Variants in PIGL observed in about 807,000 individuals in gnomAD.
PIGL encodes the protein N-acetylglucosaminyl-phosphatidylinositol de-N-acetylase.
PIGL carries 22 observed loss-of-function variants against 31.1 expected under a neutral mutation model. The observed-to-expected ratio is 0.71, with a 90% CI of 0.51 to 1.01. The LOEUF is 1.01. Ranked by LOEUF, PIGL falls within the 50% of genes least tolerant of loss-of-function variation. The pLI is 0.00. For missense variants in PIGL, 302 were observed against 315.9 expected (o/e 0.96, Z 0.33); for synonymous variants, 131 against 117.4 (o/e 1.12, Z -0.75).
intron 2 of PIGL, among the ~76,000 whole-genome samples, chr17:16,242,644 CTTTTTT>C (rs35572629): frequency 1.9e-4 from 15 of 79,056 alleles, no homozygotes; most frequent in East Asian, 3.4e-4. Flanking sequence ...TTTCTGATTC[CTTTTTT>C]TTTTTTTTTT....
intron 1 of PIGL, chr17:16,217,737 A>T: frequency 4.7e-6 from 2 of 427,972 alleles, no homozygotes; most frequent in South Asian, 3.6e-5. Flanking sequence ...TCCGTTGGGA[A>T]CTCCACCTGT....
At chr17:16,265,184 G>A (rs2092837223) in intron 2 of PIGL, among the ~76,000 whole-genome samples, 1 of 152,080 alleles carries the variant, frequency 6.6e-6, no homozygotes, top group Admixed American at 6.6e-5. Flanking sequence ...AGGAATAAAG[G>A]GAATAGTGTT....
chr17:16,271,425 A>AT (rs2092871674), intron 2 of PIGL, among the ~76,000 whole-genome samples: 1 of 152,272 alleles, frequency 6.6e-6, no homozygotes, highest in African/African-American at 2.4e-5. Flanking sequence ...GCAAATAGGT[A>AT]CGTACCCTAA....
intron 1 of PIGL, among the ~76,000 whole-genome samples, chr17:16,229,858 ATTTT>A (rs71150280): frequency 5.1e-5 from 5 of 97,694 alleles, no homozygotes; most frequent in African/African-American, 8.5e-5. Flanking sequence ...TAAAGTCATG[ATTTT>A]TTTTTTTTTT....
intron 6 of PIGL, among the ~76,000 whole-genome samples, chr17:16,323,497 G>C (rs2093114550): frequency 6.6e-6 from 1 of 152,060 alleles, no homozygotes; most frequent in Non-Finnish European, 1.5e-5. Context: ...ACCTCCCAAA[G>C]TGGTGAGATT....
At chr17:16,224,817 C>T (rs1320030960) in intron 1 of PIGL, among the ~76,000 whole-genome samples, 3 of 152,018 alleles carry the variant, frequency 2.0e-5, no homozygotes, top group Admixed American at 6.6e-5. Flanking sequence ...CCACCATGCC[C>T]GGCTAATTTT....
intron 2 of PIGL, among the ~76,000 whole-genome samples, chr17:16,243,270 G>A (rs142612540): frequency 0.023 from 3,452 of 152,166 alleles, 123 homozygotes; most frequent in African/African-American, 0.078. Context: ...GGCTGGTCTC[G>A]AACTGCTGAC....
Position 16,250,175 on chromosome 17 carries a change from G to C in PIGL, c.335+16105G>C, listed in dbSNP as rs140254095. On this transcript the variant is annotated intron_variant, in intron 2 of 6. Transcript: ENST00000225609. ...TTGGTCAGGCTGGTCTCGAACTCCT[G>C]ACCTCAGGTGATCCACCTGCCTCCT... Among the ~76,000 whole-genome samples the C allele has an allele frequency of 3.9e-4, 59 of 152,204 alleles. 1 individual carries two copies. The East Asian group carries it at 0.011, about 28-fold the overall frequency.
At chr17:16,239,273 A>G (rs961098937) in intron 2 of PIGL, among the ~76,000 whole-genome samples, 4 of 149,982 alleles carry the variant, frequency 2.7e-5, no homozygotes, top group African/African-American at 9.8e-5. Context: ...CAGGAGGTCA[A>G]GGGTTCAAGA....
intron 2 of PIGL, among the ~76,000 whole-genome samples, chr17:16,287,851 C>T (rs918259043): frequency 6.6e-6 from 1 of 152,146 alleles, no homozygotes; most frequent in Non-Finnish European, 1.5e-5. Flanking sequence ...ACAGAACTGC[C>T]GACCTCTTTC....
intron 2 of PIGL, among the ~76,000 whole-genome samples, chr17:16,288,586 C>T (rs2092947847): frequency 6.6e-6 from 1 of 150,594 alleles, no homozygotes; most frequent in Admixed American, 6.7e-5. Flanking sequence ...GTTGCCCAGG[C>T]TGGAGTGCAA....
chr17:16,247,831 C>T (rs569677659), intron 2 of PIGL, among the ~76,000 whole-genome samples: 51 of 152,244 alleles, frequency 3.3e-4, no homozygotes, highest in African/African-American at 1.2e-3. Flanking sequence ...ATGCTAATCA[C>T]CTCATCAAAT....
intron 1 of PIGL, among the ~76,000 whole-genome samples, chr17:16,233,743 A>T (rs1346467286): frequency 1.3e-5 from 2 of 152,142 alleles, no homozygotes; most frequent in East Asian, 3.8e-4. Flanking sequence ...AGGTATATAG[A>T]TACAAAGATG....
chr17:16,261,680 C>T (rs574815595), intron 2 of PIGL, among the ~76,000 whole-genome samples: 2 of 151,070 alleles, frequency 1.3e-5, no homozygotes, highest in East Asian at 4.0e-4. Context: ...GTTTGAGACC[C>T]GCCTGGAATT....
At chr17:16,296,616 A>G (rs2092983298) in intron 2 of PIGL, among the ~76,000 whole-genome samples, 2 of 151,158 alleles carry the variant, frequency 1.3e-5, no homozygotes, top group Admixed American at 1.3e-4. Context: ...TCTCAAAAAA[A>G]AAAAAGAAAA....
intron 2 of PIGL, among the ~76,000 whole-genome samples, chr17:16,277,189 A>T (rs2092899477): frequency 6.6e-6 from 1 of 152,230 alleles, no homozygotes; most frequent in South Asian, 2.1e-4. Flanking sequence ...TTTTATTGGC[A>T]CTGTAAGTCA....
intron 2 of PIGL, among the ~76,000 whole-genome samples, chr17:16,237,063 G>A (rs1338382893): frequency 2.0e-5 from 3 of 148,212 alleles, no homozygotes; most frequent in South Asian, 2.1e-4. Flanking sequence ...TCAGCCTCCC[G>A]AGTAACTGGG....
At chr17:16,258,585 C>A (rs1485079721) in intron 2 of PIGL, among the ~76,000 whole-genome samples, 1 of 151,982 alleles carries the variant, frequency 6.6e-6, no homozygotes, top group Admixed American at 6.6e-5. Context: ...CTCACTGCAA[C>A]CTCCGCCTCC....
chr17:16,286,773 T>G (rs113366412), intron 2 of PIGL, among the ~76,000 whole-genome samples: 88 of 152,262 alleles, frequency 5.8e-4, no homozygotes, highest in African/African-American at 2.0e-3. Flanking sequence ...TAGTCTCTCC[T>G]CAGAGCCAGA....
Sources: gnomAD v4.1 joint callset for allele counts (sites outside exome capture counted in the v4.1 genomes callset) on GRCh38, gnomAD v4.1.1 for gene constraint, MANE v1.5 for transcripts, NCBI Gene and HGNC (gene_info 2026-07-23, HGNC 2026-07-21) for gene names.